Variants in COP1 observed in about 807,000 individuals in gnomAD.
The protein encoded by COP1 is E3 ubiquitin-protein ligase COP1.
COP1 carries 24 observed loss-of-function variants against 101.3 expected under a neutral mutation model. That is an observed-to-expected ratio of 0.24 (90% CI 0.17 to 0.33). The LOEUF is 0.33. Among genes scored for constraint, COP1 ranks in the 10% least tolerant of loss-of-function variants. The probability of loss-of-function intolerance (pLI) is 1.00; values close to 1 mark genes in which losing one functional copy is unlikely to be tolerated. For synonymous variants in COP1, 347 were observed against 341.9 expected, an observed-to-expected ratio of 1.01 and a Z score of -0.17; for missense variants, 663 against 906.2, an observed-to-expected ratio of 0.73 and a Z score of 3.45.
chr1:176,026,514 A>G (rs1405978750), intron 15 of COP1, among the ~76,000 whole-genome samples: 2 of 152,124 alleles, frequency 1.3e-5, no homozygotes, highest in East Asian at 1.9e-4. Flanking sequence ...GTATTTAAAC[A>G]AGACAGAAGT....
chr1:175,954,866 G>T (rs920245587), intron 18 of COP1, among the ~76,000 whole-genome samples: 1 of 151,928 alleles, frequency 6.6e-6, no homozygotes, highest in Non-Finnish European at 1.5e-5. Context: ...TATACAAAAA[G>T]AATAATGCAT....
chr1:176,001,463 A>G (rs895796768), intron 15 of COP1, among the ~76,000 whole-genome samples: 2 of 152,154 alleles, frequency 1.3e-5, no homozygotes, highest in Non-Finnish European at 2.9e-5. Context: ...CTATGGACAG[A>G]ATGATGTCTT....
chr1:176,164,791 C>A (rs191391783), intron 3 of COP1, among the ~76,000 whole-genome samples: 1 of 152,112 alleles, frequency 6.6e-6, no homozygotes, highest in Non-Finnish European at 1.5e-5. Flanking sequence ...TAAATTGGAT[C>A]TTTCTATTTT....
intron 2 of COP1, among the ~76,000 whole-genome samples, chr1:176,180,978 A>T (rs973037820): frequency 6.6e-6 from 1 of 152,228 alleles, no homozygotes; most frequent in African/African-American, 2.4e-5. Flanking sequence ...ATAGTAAATC[A>T]GGGCTTGGTA....
At position 176,066,585 on chromosome 1, in the gene COP1, GC is replaced by G. The variant is rs11304741; in HGVS notation, c.1277+14566del. Among the ~76,000 whole-genome samples, 1,011 of 152,254 alleles carry G rather than the reference GC, an allele frequency of 6.6e-3. 9 individuals carry two copies. Among genetic ancestry groups the G allele is most frequent in the African/African-American group, 0.023 (959 of 41,552 alleles). ...AAAATGTTTGTGTTATTTACTGGCAGCCCAGTGGCTGCTGACTTTTACGTCA... is the reference window on the plus strand; with the variant it reads ...AAAATGTTTGTGTTATTTACTGGCAGCCAGTGGCTGCTGACTTTTACGTCA... On this transcript the variant is annotated intron_variant, in intron 11 of 19. Coordinates refer to ENST00000367669, the MANE Select transcript of COP1 (RefSeq NM_022457.7).
intron 18 of COP1, among the ~76,000 whole-genome samples, chr1:175,973,034 G>A (rs1454035850): frequency 6.6e-6 from 1 of 151,992 alleles, no homozygotes; most frequent in Non-Finnish European, 1.5e-5. Flanking sequence ...GTTTCTCCAT[G>A]TTGGTCAGGC....
At chr1:176,120,923 A>C (rs1213920647) in intron 8 of COP1, among the ~76,000 whole-genome samples, 1 of 152,198 alleles carries the variant, frequency 6.6e-6, no homozygotes, top group Non-Finnish European at 1.5e-5. Flanking sequence ...ATCGATGAGC[A>C]AAAATAAAGC....
chr1:176,204,606 T>C (rs1366644727), intron 1 of COP1, among the ~76,000 whole-genome samples: 1 of 152,108 alleles, frequency 6.6e-6, no homozygotes, highest in East Asian at 1.9e-4. Context: ...AAAGAAATAA[T>C]TAACTAATGA....
intron 15 of COP1, among the ~76,000 whole-genome samples, chr1:176,027,177 C>T (rs1463436225): frequency 6.6e-6 from 1 of 152,102 alleles, no homozygotes; most frequent in Non-Finnish European, 1.5e-5. Context: ...ATAGTAGGGA[C>T]TCAATAAATA....
intron 11 of COP1, among the ~76,000 whole-genome samples, chr1:176,074,705 T>C (rs1439754832): frequency 6.6e-6 from 1 of 151,048 alleles, no homozygotes; most frequent in Non-Finnish European, 1.5e-5. Flanking sequence ...TTGTAAAAAA[T>C]TCAACACTAC....
intron 5 of COP1, among the ~76,000 whole-genome samples, chr1:176,149,850 TAA>T (rs1372968526): frequency 1.3e-5 from 2 of 151,810 alleles, no homozygotes; most frequent in African/African-American, 4.8e-5. Flanking sequence ...AAAATAACAA[TAA>T]GAGACAGTTT....
intron 7 of COP1, among the ~76,000 whole-genome samples, chr1:176,135,738 T>C (rs186908679): frequency 6.6e-5 from 10 of 151,964 alleles, no homozygotes; most frequent in Admixed American, 5.9e-4. Flanking sequence ...AATGAAAAAA[T>C]AGCAAATTTT....
Position 176,134,527 on chromosome 1 carries a change from A to C in COP1, c.968+483T>G, listed in dbSNP as rs77223325. Among the ~76,000 whole-genome samples the C allele has an allele frequency of 6.7e-3, 1,013 of 152,136 alleles. 9 individuals are homozygous for C. Among genetic ancestry groups the C allele is most frequent in the African/African-American group, 0.023 (961 of 41,556 alleles). ...TATCGCATATAGAAGAATTAATAATAAGTAGTTATAAGAAAATACCAAGGA... is the reference window on the plus strand; with the variant it reads ...TATCGCATATAGAAGAATTAATAATCAGTAGTTATAAGAAAATACCAAGGA... On this transcript the variant is annotated intron_variant, in intron 8 of 19. Coordinates refer to ENST00000367669, the MANE Select transcript of COP1 (RefSeq NM_022457.7).
chr1:175,950,120 AC>A (rs775335731), intron 18 of COP1, among the ~76,000 whole-genome samples: 62 of 152,262 alleles, frequency 4.1e-4, no homozygotes, highest in Non-Finnish European at 8.2e-4. Flanking sequence ...CCTCAGGATT[AC>A]TATGGCATTA....
At chr1:175,997,077 T>C (rs1245899522) in intron 15 of COP1, among the ~76,000 whole-genome samples, 129 of 151,260 alleles carry the variant, frequency 8.5e-4, no homozygotes, top group African/African-American at 2.7e-3. Flanking sequence ...CAGAACACAG[T>C]CCTCAGAAAT....
intron 10 of COP1, among the ~76,000 whole-genome samples, chr1:176,081,549 CAAT>C (rs1299318902): frequency 1.3e-5 from 2 of 151,106 alleles, no homozygotes; most frequent in Admixed American, 6.6e-5. Flanking sequence ...AAAATAATAA[CAAT>C]AATAATAATA....
At chr1:176,059,490 CT>C (rs984914923) in intron 11 of COP1, among the ~76,000 whole-genome samples, 23 of 147,358 alleles carry the variant, frequency 1.6e-4, no homozygotes, top group Non-Finnish European at 9.0e-5. Context: ...TTTTTTCTTT[CT>C]TTTTTTTTTG....
chr1:175,964,608 T>C (rs896846691), intron 18 of COP1, among the ~76,000 whole-genome samples: 1 of 152,218 alleles, frequency 6.6e-6, no homozygotes, highest in Non-Finnish European at 1.5e-5. Context: ...ATTTGTCCTA[T>C]AATCACTGAA....
At chr1:175,997,215 G>A (rs2148825101) in intron 15 of COP1, among the ~76,000 whole-genome samples, 3 of 150,950 alleles carry the variant, frequency 2.0e-5, no homozygotes, top group African/African-American at 7.3e-5. Flanking sequence ...GCTGAAACTG[G>A]ATCCCTTCCT....
Sources: allele counts gnomAD v4.1 joint callset (sites outside exome capture counted in the v4.1 genomes callset), GRCh38; gene constraint gnomAD v4.1.1; transcripts MANE v1.5; gene names NCBI Gene and HGNC (gene_info 2026-07-23, HGNC 2026-07-21).